The following LRRC37A2 variants were observed in gnomAD, a reference collection of about 807,000 sequenced individuals.
LRRC37A2 encodes leucine-rich repeat-containing protein 37A2.
In LRRC37A2, 9 loss-of-function variants were observed where a neutral mutation model predicts 68.8. The observed-to-expected ratio is 0.13, with a 90% CI of 0.08 to 0.23. LRRC37A2 has a LOEUF of 0.23. Ranked by LOEUF, LRRC37A2 falls within the 10% of genes least tolerant of loss-of-function variation. LRRC37A2 has a pLI of 1.00. For synonymous variants in LRRC37A2, 63 were observed against 367.6 expected (o/e 0.17, Z 9.48); for missense variants, 168 against 950.4 (o/e 0.18, Z 10.82).
At chr17:46,887,335 C>T in the LRRC37A2 span, among the ~76,000 whole-genome samples, 1 of 151,952 alleles carries the variant, frequency 6.6e-6, no homozygotes, top group African/African-American at 2.4e-5. Flanking sequence ...GACAGGTGGT[C>T]ATTAAAATTC....
At chr17:46,973,350 T>TG in the LRRC37A2 span, among the ~76,000 whole-genome samples, 2 of 152,026 alleles carry the variant, frequency 1.3e-5, no homozygotes, top group East Asian at 1.9e-4. Context: ...GCCATATAGA[T>TG]GGGGGTCCCA....
At chr17:46,776,706 C>T in the LRRC37A2 span, among the ~76,000 whole-genome samples, 3 of 152,124 alleles carry the variant, frequency 2.0e-5, no homozygotes, top group South Asian at 2.1e-4. Context: ...GCAGACAACT[C>T]GGCCTTGCAC....
chr17:46,492,780 G>A, the LRRC37A2 span, among the ~76,000 whole-genome samples: 2 of 139,548 alleles, frequency 1.4e-5, no homozygotes, highest in African/African-American at 5.8e-5. Context: ...TGCAAGCTCC[G>A]CCTCCCGGGT....
the LRRC37A2 span, among the ~76,000 whole-genome samples, chr17:46,974,738 A>AG: frequency 1.3e-4 from 9 of 69,922 alleles, no homozygotes; most frequent in African/African-American, 3.3e-4. Context: ...TCTCTCAAAA[A>AG]AAAAAAAAAA....
chr17:47,011,176 A>T, the LRRC37A2 span, among the ~76,000 whole-genome samples: 2 of 152,316 alleles, frequency 1.3e-5, no homozygotes, highest in South Asian at 2.1e-4. Flanking sequence ...CTCCTTAGCA[A>T]CATACACCTA....
the LRRC37A2 span, among the ~76,000 whole-genome samples, chr17:46,971,029 G>A: frequency 1.3e-5 from 2 of 152,014 alleles, no homozygotes; most frequent in Non-Finnish European, 2.9e-5. Flanking sequence ...TTTTTTTGTT[G>A]CTATAAATGT....
chr17:46,928,127 G>A, the LRRC37A2 span, among the ~76,000 whole-genome samples: 5 of 151,980 alleles, frequency 3.3e-5, no homozygotes, highest in African/African-American at 7.3e-5. Context: ...CGGAAGCAAC[G>A]GCCTGGTCTC....
chr17:46,819,945 C>A, the LRRC37A2 span, among the ~76,000 whole-genome samples: 1 of 152,226 alleles, frequency 6.6e-6, no homozygotes, highest in African/African-American at 2.4e-5. This position sits in a 1 kb window ranked among gnomAD's most constrained non-coding sequence, Gnocchi z 5.3. Flanking sequence ...CTCTGCGCAG[C>A]CCCGGTCTGG....
the LRRC37A2 span, chr17:46,940,497 T>C: frequency 6.2e-7 from 1 of 1,613,518 alleles, no homozygotes; most frequent in Middle Eastern, 1.6e-4. Context: ...CGCAGGACTT[T>C]TGGTAATCCA....
At chr17:46,750,054 C>G in the LRRC37A2 span, 1 of 879,208 alleles carries the variant, frequency 1.1e-6, no homozygotes, top group East Asian at 2.7e-5. Flanking sequence ...ATACCTTATC[C>G]AAAATGCCTG....
the LRRC37A2 span, among the ~76,000 whole-genome samples, chr17:46,959,311 T>G: frequency 6.6e-6 from 1 of 152,240 alleles, no homozygotes; most frequent in Non-Finnish European, 1.5e-5. Flanking sequence ...CATTCTGCTT[T>G]CTTTTTGGAG....
At chr17:46,892,544 T>C in the LRRC37A2 span, among the ~76,000 whole-genome samples, 1 of 152,216 alleles carries the variant, frequency 6.6e-6, no homozygotes, top group African/African-American at 2.4e-5. Flanking sequence ...GGACTGATTT[T>C]CCCTTTATGC....
chr17:46,805,688 C>T, the LRRC37A2 span, among the ~76,000 whole-genome samples: 2 of 152,184 alleles, frequency 1.3e-5, no homozygotes, highest in African/African-American at 4.8e-5. Context: ...GAGATTGAGG[C>T]TACAGTGGGC....
At chr17:46,642,657 TG>T in the LRRC37A2 span, among the ~76,000 whole-genome samples, 1 of 84,792 alleles carries the variant, frequency 1.2e-5, no homozygotes, top group Non-Finnish European at 2.0e-5. Context: ...CCCAATTACC[TG>T]TATAAGCTTA....
the LRRC37A2 span, chr17:46,770,035 C>T: frequency 6.4e-7 from 1 of 1,556,700 alleles, no homozygotes; most frequent in Non-Finnish European, 8.7e-7. Flanking sequence ...GAACGAAGGC[C>T]GACTCGCGGG....
the LRRC37A2 span, among the ~76,000 whole-genome samples, chr17:46,789,447 C>A: frequency 6.6e-6 from 1 of 152,156 alleles, no homozygotes; most frequent in Non-Finnish European, 1.5e-5. Context: ...GGGGAGGAGT[C>A]CAGGAAACTG....
At chr17:46,742,785 C>T in the LRRC37A2 span, among the ~76,000 whole-genome samples, 16 of 152,230 alleles carry the variant, frequency 1.1e-4, no homozygotes, top group East Asian at 1.5e-3. Flanking sequence ...TTTCTACCAT[C>T]GGGGAGTTGA....
the LRRC37A2 span, among the ~76,000 whole-genome samples, chr17:46,771,993 G>A: frequency 6.6e-6 from 1 of 150,778 alleles, no homozygotes; most frequent in Non-Finnish European, 1.5e-5. Flanking sequence ...ACTCGCGGAA[G>A]ACGCGCGCCC....
the LRRC37A2 span, chr17:46,924,554 G>C: frequency 6.6e-6 from 1 of 152,192 alleles, no homozygotes; most frequent in African/African-American, 2.4e-5. Context: ...CCAAGGCCTG[G>C]AAATGAAATG....
Sources: gnomAD v4.1 joint callset for allele counts (sites outside exome capture counted in the v4.1 genomes callset) on GRCh38, gnomAD v4.1.1 for gene constraint, Gnocchi (gnomAD v3.1) non-coding constraint, MANE v1.5 for transcripts, NCBI Gene and HGNC (gene_info 2026-07-23, HGNC 2026-07-21) for gene names.